IMPG1: variants seen among roughly 807,000 people sequenced by gnomAD.
IMPG1 encodes interphotoreceptor matrix proteoglycan of 150 kDa.
IMPG1 carries 85 observed loss-of-function variants against 92.0 expected under a neutral mutation model. The ratio of observed to expected loss-of-function variants is 0.92; its 90% confidence interval spans 0.78 to 1.11. The LOEUF (loss-of-function observed/expected upper bound fraction) is 1.11. Ranked by LOEUF, IMPG1 falls within the 50% of genes least tolerant of loss-of-function variation. The pLI is 0.00. For synonymous variants in IMPG1, 367 were observed against 334.1 expected, an observed-to-expected ratio of 1.10 and a Z score of -1.08; for missense variants, 1,022 against 956.0, an observed-to-expected ratio of 1.07 and a Z score of -0.91.
At chr6:76,046,721 G>A (rs541707272) in intron 1 of IMPG1, among the ~76,000 whole-genome samples, 5 of 152,130 alleles carry the variant, frequency 3.3e-5, no homozygotes, top group African/African-American at 1.2e-4. Flanking sequence ...CAGGGTTTCT[G>A]TGATATTAAA....
At chr6:75,992,893 C>A (rs911069651) in intron 12 of IMPG1, among the ~76,000 whole-genome samples, 4 of 152,178 alleles carry the variant, frequency 2.6e-5, no homozygotes, top group Admixed American at 1.3e-4. Context: ...TCTTTGATAT[C>A]TCTGCTTCTC....
At chr6:75,957,411 G>A (rs1782146005) in intron 12 of IMPG1, among the ~76,000 whole-genome samples, 1 of 152,202 alleles carries the variant, frequency 6.6e-6, no homozygotes, top group African/African-American at 2.4e-5. Context: ...GAGTTCTGTA[G>A]ATGTCTATTA....
chr6:75,942,102 T>TA (rs1252297987), intron 14 of IMPG1, among the ~76,000 whole-genome samples: 2 of 152,190 alleles, frequency 1.3e-5, no homozygotes, highest in Admixed American at 1.3e-4. Context: ...AGTTTTGCTA[T>TA]AGTTGACTAT....
At chr6:76,008,753 T>A (rs1474906475) in intron 8 of IMPG1, among the ~76,000 whole-genome samples, 1 of 152,218 alleles carries the variant, frequency 6.6e-6, no homozygotes, top group Non-Finnish European at 1.5e-5. Context: ...GGGACATATT[T>A]ATGGTATACG....
At chr6:76,034,482 C>A (rs1025345234) in intron 3 of IMPG1, 139 bp from the exon 4 acceptor site, 3 of 1,216,982 alleles carry the variant, frequency 2.5e-6, no homozygotes, top group Non-Finnish European at 3.5e-6. Context: ...AATAAAATTT[C>A]TATTGGCCTA....
intron 12 of IMPG1, among the ~76,000 whole-genome samples, chr6:75,959,253 G>C (rs558962147): frequency 1.8e-4 from 27 of 152,276 alleles, no homozygotes; most frequent in African/African-American, 6.0e-4. Flanking sequence ...CCATCCCAGA[G>C]AGGCACCTTC....
At chr6:76,044,897 C>T (rs78470248) in intron 1 of IMPG1, among the ~76,000 whole-genome samples, 4 of 152,202 alleles carry the variant, frequency 2.6e-5, no homozygotes, top group East Asian at 3.9e-4. Context: ...TGGGTCTTTA[C>T]GTTTTATCCT....
chr6:76,010,484 C>T (rs1158083448), intron 8 of IMPG1, among the ~76,000 whole-genome samples: 2 of 152,112 alleles, frequency 1.3e-5, no homozygotes, highest in East Asian at 1.9e-4. Flanking sequence ...AGGATACAGC[C>T]CTCCTTGTGC....
At chr6:75,929,858 C>T (rs1215507940) in intron 15 of IMPG1, among the ~76,000 whole-genome samples, 2 of 151,782 alleles carry the variant, frequency 1.3e-5, no homozygotes, top group Non-Finnish European at 2.9e-5. Flanking sequence ...ATTCTTTTCA[C>T]GTGGATATCT....
intron 4 of IMPG1, among the ~76,000 whole-genome samples, chr6:76,026,869 G>T (rs1783548875): frequency 1.3e-5 from 2 of 152,116 alleles, no homozygotes; most frequent in African/African-American, 4.8e-5. Flanking sequence ...CATCCTGAGG[G>T]CATGGCTTGT....
intron 7 of IMPG1, among the ~76,000 whole-genome samples, chr6:76,013,627 C>T (rs1316672018): frequency 6.6e-6 from 1 of 152,148 alleles, no homozygotes; most frequent in Non-Finnish European, 1.5e-5. Flanking sequence ...CGAGATCATG[C>T]TCCTTGGCCA....
intron 7 of IMPG1, among the ~76,000 whole-genome samples, chr6:76,015,966 T>A (rs1783280333): frequency 6.6e-6 from 1 of 152,222 alleles, no homozygotes; most frequent in Non-Finnish European, 1.5e-5. Flanking sequence ...GTTGGAATCT[T>A]GGCTTTGCCA....
rs1355560924 is a variant in IMPG1 at position 76,034,383 on chromosome 6, A to T, written c.469-40T>A. 3.2e-6 allele frequency: 5 copies of T among 1,574,744 alleles called. No individual in the cohort carries two copies. The Admixed American group carries it at 6.7e-5, about 21-fold the overall frequency. On this transcript the variant is annotated intron_variant, in intron 3 of 16. Transcript: ENST00000369950. ...AGATAAAATGTAATTTTACCAGGAG[A>T]TAATGCCAACCGAAGAGTTAAAGTC...
intron 1 of IMPG1, among the ~76,000 whole-genome samples, chr6:76,044,933 C>T (rs952683073): frequency 2.0e-5 from 3 of 152,078 alleles, no homozygotes; most frequent in Admixed American, 6.6e-5. Flanking sequence ...GAAGCAGGGG[C>T]GAGAAGGTCA....
intron 4 of IMPG1, among the ~76,000 whole-genome samples, chr6:76,032,875 T>A (rs76279358): frequency 0.011 from 1,680 of 152,110 alleles, 38 homozygotes; most frequent in African/African-American, 0.039. Flanking sequence ...TGGATAATAA[T>A]AATGGGGGCC....
intron 2 of IMPG1, among the ~76,000 whole-genome samples, chr6:76,037,642 C>A (rs949212652): frequency 3.9e-5 from 6 of 152,220 alleles, no homozygotes; most frequent in African/African-American, 1.4e-4. Context: ...TATGTCCAGT[C>A]TAAGCAAACC....
At chr6:76,017,888 G>T (rs760143664) in intron 7 of IMPG1, among the ~76,000 whole-genome samples, 20 of 152,082 alleles carry the variant, frequency 1.3e-4, no homozygotes, top group Non-Finnish European at 2.4e-4. Context: ...GAGTAGCTGG[G>T]ATTACAGGCG....
At chr6:75,959,471 C>G (rs1031288885) in intron 12 of IMPG1, among the ~76,000 whole-genome samples, 5 of 152,148 alleles carry the variant, frequency 3.3e-5, no homozygotes, top group Admixed American at 6.5e-5. Context: ...CATCCACAGC[C>G]CCCCCTTCCC....
rs188564179 is a variant in IMPG1, at chr6:75,950,512, C to T, written c.1824+50G>A. 13 of 1,452,584 alleles carry T rather than the reference C, an allele frequency of 8.9e-6. No homozygotes were observed. In the East Asian group the frequency reaches 3.0e-4, roughly 34 times the overall value. 90.0% of individuals were successfully genotyped at this position (1,452,584 alleles called of 1,614,324 possible). On this transcript the variant is annotated intron_variant, in intron 13 of 16. Transcript: ENST00000369950. Reference sequence around the variant, plus strand: ...CAATAATTATATTATAAAATAACAACAAAGAAAGAAGAGACAAAGAATTGG... The same window carrying T: ...CAATAATTATATTATAAAATAACAATAAAGAAAGAAGAGACAAAGAATTGG...
Sources: allele counts gnomAD v4.1 joint callset (sites outside exome capture counted in the v4.1 genomes callset), GRCh38; gene constraint gnomAD v4.1.1; transcripts MANE v1.5; gene names NCBI Gene and HGNC (gene_info 2026-07-23, HGNC 2026-07-21).